Variants in ANKFN1 observed in about 807,000 individuals in gnomAD.
The protein encoded by ANKFN1 is ankyrin repeat and fibronectin type III domain containing 1.
Under a neutral mutation model 108.7 loss-of-function variants are expected in ANKFN1, and 74 were observed. That is an observed-to-expected ratio of 0.68 (90% CI 0.56 to 0.83). The LOEUF is 0.83. Among genes scored for constraint, ANKFN1 ranks in the 40% least tolerant of loss-of-function variants. The pLI is 0.00. For synonymous variants in ANKFN1, 547 were observed against 516.2 expected (o/e 1.06, Z -0.81); for missense variants, 1,505 against 1,382.3 (o/e 1.09, Z -1.41).
chr17:56,311,546 AATGTATACAAAC>A (rs1236678620), intron 3 of ANKFN1, among the ~76,000 whole-genome samples: 1 of 152,242 alleles, frequency 6.6e-6, no homozygotes, highest in Admixed American at 6.5e-5. Context: ...TATGTGTGAA[AATGTATACAAAC>A]ATGATTGCTT....
At chr17:56,113,566 A>G (rs1906093824) in intron 4 of ANKFN1, among the ~76,000 whole-genome samples, 4 of 152,178 alleles carry the variant, frequency 2.6e-5, no homozygotes, top group African/African-American at 4.8e-5. Flanking sequence ...GACAAGTTAC[A>G]CACCTTCTGT....
intron 4 of ANKFN1, among the ~76,000 whole-genome samples, chr17:56,103,960 G>A (rs1385167501): frequency 6.6e-6 from 1 of 152,186 alleles, no homozygotes; most frequent in Non-Finnish European, 1.5e-5. Context: ...CTTGGCAAAG[G>A]AAATAGATTG....
intron 3 of ANKFN1, among the ~76,000 whole-genome samples, chr17:56,324,568 C>G (rs2045463425): frequency 6.6e-6 from 1 of 152,154 alleles, no homozygotes; most frequent in South Asian, 2.1e-4. Flanking sequence ...AGTCTGCATT[C>G]AAGCCAAAAT....
At chr17:56,286,543 T>A (rs1311344109) in intron 3 of ANKFN1, among the ~76,000 whole-genome samples, 1 of 152,168 alleles carries the variant, frequency 6.6e-6, no homozygotes, top group Non-Finnish European at 1.5e-5. Context: ...ATTGTGTCTG[T>A]TGCCTAGAAC....
chr17:56,076,871 T>C (rs1905187837), intron 4 of ANKFN1, among the ~76,000 whole-genome samples: 1 of 152,236 alleles, frequency 6.6e-6, no homozygotes. Flanking sequence ...CTTCTGTTTG[T>C]CACCAACCTA....
chr17:56,435,975 T>A (rs2145138283), intron 8 of ANKFN1, among the ~76,000 whole-genome samples: 1 of 152,186 alleles, frequency 6.6e-6, no homozygotes, highest in East Asian at 1.9e-4. Context: ...GAGTTGTGAA[T>A]TTTCTAGTCT....
chr17:56,361,892 GAGAA>G lies in ANKFN1; in HGVS notation c.601+7850_601+7853del, dbSNP rs1245912795. Among the ~76,000 whole-genome samples, 138 of 152,246 alleles carry G rather than the reference GAGAA, an allele frequency of 9.1e-4. 4 individuals are homozygous for G. The highest frequency in any genetic ancestry group is 7.7e-3 in the Admixed American group (118 of 15,284). ...CCCAGAGAAAATGATCTGAGAAAGA[GAGAA>G]AGAGAGACCAGCCAAGGTGGAAGCA... On this transcript the variant is annotated intron_variant, in intron 6 of 20. Coordinates refer to ENST00000682825, the MANE Select transcript of ANKFN1 (RefSeq NM_001370326.1).
chr17:56,144,872 A>C (rs1908160712), intron 4 of ANKFN1, among the ~76,000 whole-genome samples: 2 of 152,124 alleles, frequency 1.3e-5, no homozygotes, highest in Non-Finnish European at 1.5e-5. Context: ...TTTACAGGTG[A>C]CAAACAGCCT....
At chr17:56,239,412 A>G (rs1471715877) in intron 3 of ANKFN1, among the ~76,000 whole-genome samples, 1 of 152,152 alleles carries the variant, frequency 6.6e-6, no homozygotes, top group African/African-American at 2.4e-5. Flanking sequence ...ACAAAGGACA[A>G]ATGTTTGAGA....
intron 3 of ANKFN1, among the ~76,000 whole-genome samples, chr17:56,280,271 A>G (rs2144238470): frequency 6.6e-6 from 1 of 152,216 alleles, no homozygotes; most frequent in South Asian, 2.1e-4. Context: ...CAGTAGACTG[A>G]GTAAAGAAGA....
intron 16 of ANKFN1, among the ~76,000 whole-genome samples, chr17:56,479,720 C>T (rs1053363235): frequency 2.0e-5 from 3 of 152,216 alleles, no homozygotes; most frequent in African/African-American, 4.8e-5. Context: ...GGGAAAGCCT[C>T]AGAGAGTTTT....
intron 11 of ANKFN1, 90 bp from the exon 12 acceptor site, chr17:56,456,771 G>A: frequency 1.0e-6 from 1 of 993,318 alleles, no homozygotes; most frequent in Non-Finnish European, 1.6e-6. Flanking sequence ...AAGGGATGGG[G>A]GAGGGGAAGG....
chr17:56,350,333 T>C (rs1458054479), intron 4 of ANKFN1, among the ~76,000 whole-genome samples: 1 of 152,112 alleles, frequency 6.6e-6, no homozygotes, highest in Non-Finnish European at 1.5e-5. Context: ...CTTTCTTATA[T>C]ACCCAACAGA....
intron 8 of ANKFN1, among the ~76,000 whole-genome samples, chr17:56,408,705 G>T (rs1401675174): frequency 6.6e-6 from 1 of 152,102 alleles, no homozygotes; most frequent in Non-Finnish European, 1.5e-5. Context: ...AAAGAAGTTT[G>T]GTGTAGTCTG....
At chr17:56,158,984 C>T (rs577808167) in intron 1 of ANKFN1, among the ~76,000 whole-genome samples, 4 of 122,130 alleles carry the variant, frequency 3.3e-5, no homozygotes, top group African/African-American at 6.2e-5. Context: ...GATTCCCTAG[C>T]ATTCTTATTG....
In ANKFN1 at chr17:56,055,510, C is replaced by CTGTG. The variant is rs150078580; in HGVS notation, c.288+9199_288+9202dup. On this transcript the variant is annotated intron_variant, in intron 4 of 12. Transcript: ENST00000635860. ...TATATATGTGTGTGTGTATGTATGTCTGTGTGTGTGTGTGTGTATGCCTAA... is the reference window on the plus strand; with the variant it reads ...TATATATGTGTGTGTGTATGTATGTCTGTGTGTGTGTGTGTGTGTGTATGCCTAA... Among the ~76,000 whole-genome samples the CTGTG allele has an allele frequency of 6.7e-4, 75 of 111,900 alleles. No individual in the cohort carries two copies. The Middle Eastern group carries it at 0.013, about 20-fold the overall frequency. 73.4% of individuals were successfully genotyped at this position (111,900 alleles called of 152,430 possible).
rs2045401060 is a variant in ANKFN1, at chr17:56,322,526, ATTT to A, written c.54-3694_54-3692del. ...TAACATGGTGTTCGAGCTCTCCCCAATTTAGCTCCTGCTTACTTTTTGAGACCA... is the reference window on the plus strand; with the variant it reads ...TAACATGGTGTTCGAGCTCTCCCCAAAGCTCCTGCTTACTTTTTGAGACCA... On this transcript the variant is annotated intron_variant, in intron 3 of 20. Coordinates refer to ENST00000682825, the MANE Select transcript of ANKFN1 (RefSeq NM_001370326.1). Among the ~76,000 whole-genome samples the A allele has an allele frequency of 2.0e-5, 3 of 152,168 alleles. No homozygotes were observed. In the South Asian group the frequency reaches 6.2e-4, roughly 32 times the overall value.
intron 19 of ANKFN1, among the ~76,000 whole-genome samples, chr17:56,494,398 A>C (rs1440636804): frequency 6.6e-6 from 1 of 152,074 alleles, no homozygotes; most frequent in Non-Finnish European, 1.5e-5. Flanking sequence ...AGAATACGAA[A>C]GACTGGCTCA....
rs2051890323 is a variant in ANKFN1 at position 56,515,396 on chromosome 17, A to G, written c.*4127A>G. On this transcript the variant is annotated 3_prime_UTR_variant, in exon 21 of 21. Transcript: ENST00000682825. ...TTTTCCAGATGATTTAATGAAGCAAACCTGGACTTTTTTCTTCAAGGTCGT... is the reference window on the plus strand; with the variant it reads ...TTTTCCAGATGATTTAATGAAGCAAGCCTGGACTTTTTTCTTCAAGGTCGT... Among the ~76,000 whole-genome samples the G allele has an allele frequency of 2.0e-5, 3 of 152,192 alleles. No individual in the cohort carries two copies. Among genetic ancestry groups the G allele is most frequent in the Admixed American group, 1.3e-4 (2 of 15,278 alleles).
Sources: allele counts gnomAD v4.1 joint callset (sites outside exome capture counted in the v4.1 genomes callset), GRCh38; gene constraint gnomAD v4.1.1; transcripts MANE v1.5; gene names NCBI Gene and HGNC (gene_info 2026-07-23, HGNC 2026-07-21).